The following FGD3 variants were observed in gnomAD, a reference collection of about 807,000 sequenced individuals.
FGD3 encodes the protein FYVE, RhoGEF and PH domain containing 3.
In FGD3, 45 loss-of-function variants were observed where a neutral mutation model predicts 71.8. That is an observed-to-expected ratio of 0.63 (90% CI 0.49 to 0.80). FGD3 has a LOEUF of 0.80. Ranked by LOEUF, FGD3 falls within the 30% of genes least tolerant of loss-of-function variation. The probability of loss-of-function intolerance (pLI) is 0.00; values close to 1 mark genes in which losing one functional copy is unlikely to be tolerated. For missense variants in FGD3, 844 were observed against 951.5 expected (o/e 0.89, Z 1.49); for synonymous variants, 378 against 392.8 (o/e 0.96, Z 0.44).
At chr9:93,021,373 G>A (rs771970880) in intron 13 of FGD3, among the ~76,000 whole-genome samples, 2 of 152,150 alleles carry the variant, frequency 1.3e-5, no homozygotes, top group Non-Finnish European at 2.9e-5. Flanking sequence ...CAGGGCTGCA[G>A]CCCCAGGGCC....
In FGD3 at chr9:92,968,607, CT is replaced by C. The variant is rs55908030; in HGVS notation, c.-217-6617del. On this transcript the variant is annotated intron_variant, in intron 1 of 17. Transcript: ENST00000375482. ...GTTTTCTTTTCTTTTTTCTTTCTTT[CT>C]TTTTTTTTTTTTTGACACGGAGTCT... is the stretch of plus-strand genomic sequence containing the variant. Among the ~76,000 whole-genome samples the C allele has an allele frequency of 2.7e-3, 390 of 142,960 alleles. 2 individuals are homozygous for C. Among genetic ancestry groups the C allele is most frequent in the Middle Eastern group, 0.018 (5 of 284 alleles). The allele number at this position is 142,960 out of a possible 152,430, so 93.8% of individuals were successfully genotyped here.
At chr9:92,994,248 G>A (rs1237297460) in intron 3 of FGD3, among the ~76,000 whole-genome samples, 1 of 152,090 alleles carries the variant, frequency 6.6e-6, no homozygotes, top group Admixed American at 6.5e-5. Flanking sequence ...GTGTATGTTG[G>A]CTGCATGAAT....
At chr9:92,964,251 C>G (rs79560672) in intron 1 of FGD3, 74 of 152,378 alleles carry the variant, frequency 4.9e-4, no homozygotes, top group African/African-American at 1.8e-3. Context: ...AATGCACCAT[C>G]ATGTTGTGAC....
chr9:92,990,926 AC>A (rs1360830278), intron 3 of FGD3, among the ~76,000 whole-genome samples: 3 of 152,188 alleles, frequency 2.0e-5, no homozygotes, highest in Admixed American at 6.5e-5. Flanking sequence ...GGTTATGATG[AC>A]CTTGTAAAAT....
At chr9:92,977,786 G>A (rs1044624122) in intron 3 of FGD3, among the ~76,000 whole-genome samples, 1 of 152,090 alleles carries the variant, frequency 6.6e-6, no homozygotes, top group Admixed American at 6.5e-5. Context: ...TGGTTTCTGC[G>A]GGAAACTTGA....
intron 14 of FGD3, among the ~76,000 whole-genome samples, chr9:93,023,404 G>T (rs1054502200): frequency 6.6e-6 from 1 of 152,176 alleles, no homozygotes; most frequent in Non-Finnish European, 1.5e-5. Flanking sequence ...GTGGAGGCGT[G>T]GGGGGCTTGC....
chr9:92,999,697 G>A (rs142771239), intron 3 of FGD3, among the ~76,000 whole-genome samples: 10,615 of 150,984 alleles, frequency 0.07, 500 homozygotes, highest in Non-Finnish European at 0.1. Context: ...GGGTTCAAGC[G>A]ATTCTCCTGC....
chr9:92,976,490 C>G lies in FGD3; in HGVS notation c.234C>G (p.Ile78Met), dbSNP rs1005597419. Residue 78 changes from isoleucine (I) to methionine (M), a missense_variant, in exon 3 of 18, where the codon ATC (isoleucine) becomes ATG (methionine). Physicochemically the swap from Ile to Met is conservative, Grantham distance 10. Coordinates refer to ENST00000375482, the MANE Select transcript of FGD3 (RefSeq NM_001083536.2). The part of the protein sequence containing the change: ...SLKIPNRDSG[I>M]DSPSSSVAGE... Reference sequence around the variant, plus strand: ...AGATCCCCAACCGGGACAGCGGGATCGACAGTCCCTCCTCCAGTGTGGCTG... The same window carrying G: ...AGATCCCCAACCGGGACAGCGGGATGGACAGTCCCTCCTCCAGTGTGGCTG... The G allele has an allele frequency of 1.2e-6, 2 of 1,612,070 alleles. No individual in the cohort carries two copies. Among genetic ancestry groups the G allele is most frequent in the South Asian group, 1.1e-5 (1 of 90,740 alleles).
At chr9:93,033,577 A>C (rs4585801) in intron 16 of FGD3, 94,756 of 154,896 alleles carry the variant, frequency 0.61, 29,986 homozygotes, top group African/African-American at 0.78. Context: ...GCTTTCCCTG[A>C]CTTCCTTCCT....
chr9:92,990,567 G>A (rs1860367867), intron 3 of FGD3, among the ~76,000 whole-genome samples: 1 of 152,168 alleles, frequency 6.6e-6, no homozygotes, highest in Admixed American at 6.5e-5. Flanking sequence ...TCTCACATAT[G>A]GGCTTTATTA....
chr9:92,951,821 G>A (rs1031665953), intron 1 of FGD3, among the ~76,000 whole-genome samples: 3 of 152,164 alleles, frequency 2.0e-5, no homozygotes, highest in African/African-American at 7.2e-5. Context: ...GAATAAAACT[G>A]CTGGTCTTTG....
At chr9:93,002,822 ACCCCTGTGGC>A in intron 3 of FGD3, 93 bp from the exon 4 acceptor site, 1 of 1,140,634 alleles carries the variant, frequency 8.8e-7, no homozygotes, top group Non-Finnish European at 1.3e-6. Flanking sequence ...GCCTCCTGCC[ACCCCTGTGGC>A]CCCTGGTTCT....
At chr9:93,015,412 C>T (rs531345989) in intron 9 of FGD3, among the ~76,000 whole-genome samples, 5 of 152,058 alleles carry the variant, frequency 3.3e-5, no homozygotes, top group Non-Finnish European at 5.9e-5. Flanking sequence ...GCCAAGATTG[C>T]GCCATTGCAC....
chr9:92,998,811 G>T (rs977130581), intron 3 of FGD3, among the ~76,000 whole-genome samples: 3 of 152,176 alleles, frequency 2.0e-5, no homozygotes, highest in African/African-American at 7.2e-5. Flanking sequence ...AGCAAATGTT[G>T]CTGTCTGATC....
chr9:93,011,317 G>A (rs747295316), intron 8 of FGD3, 45 bp downstream of exon 8: 3 of 1,611,718 alleles, frequency 1.9e-6, no homozygotes, highest in Non-Finnish European at 2.5e-6. Flanking sequence ...GGTGCAGCAA[G>A]AGTGAGGGCC....
intron 3 of FGD3, among the ~76,000 whole-genome samples, chr9:92,978,834 A>G (rs1183746312): frequency 7.3e-6 from 1 of 137,430 alleles, no homozygotes; most frequent in African/African-American, 2.8e-5. Flanking sequence ...GAATCTCATT[A>G]TATTGCCCAG....
chr9:92,984,423 A>G (rs1860113877), intron 3 of FGD3, among the ~76,000 whole-genome samples: 1 of 152,254 alleles, frequency 6.6e-6, no homozygotes, highest in South Asian at 2.1e-4. Flanking sequence ...GTTATGGTTT[A>G]TACTACATGT....
chr9:93,005,933 C>T (rs1587846595), intron 5 of FGD3, 91 bp from the exon 6 acceptor site: 1 of 1,455,048 alleles, frequency 6.9e-7, no homozygotes, highest in South Asian at 1.4e-5. Flanking sequence ...CTGGCCTCCA[C>T]CCCACACCCC....
In FGD3 at chr9:92,977,918, G is replaced by C. The variant is rs534162926; in HGVS notation, c.453+1209G>C. ...TAGAGATCAGAAGACTGACAGAATAGACTCTGTGGCAATAAGATACCAAAT... is the reference window on the plus strand; with the variant it reads ...TAGAGATCAGAAGACTGACAGAATACACTCTGTGGCAATAAGATACCAAAT... On this transcript the variant is annotated intron_variant, in intron 3 of 17. Transcript: ENST00000375482. Among the ~76,000 whole-genome samples, 14 of 152,318 alleles carry C rather than the reference G, an allele frequency of 9.2e-5. No homozygotes were observed. In the East Asian group the frequency reaches 2.7e-3, roughly 29 times the overall value.
Sources: allele counts gnomAD v4.1 joint callset (sites outside exome capture counted in the v4.1 genomes callset), GRCh38; gene constraint gnomAD v4.1.1; transcripts MANE v1.5; gene names NCBI Gene and HGNC (gene_info 2026-07-23, HGNC 2026-07-21).